Variants in CNTNAP2 observed in about 807,000 individuals in gnomAD.
CNTNAP2 encodes contactin associated protein 2, also known as contactin-associated protein-like 2.
A neutral mutation model predicts 155.2 loss-of-function variants in CNTNAP2; 98 were observed. The ratio of observed to expected loss-of-function variants is 0.63; its 90% CI spans 0.54 to 0.75. CNTNAP2 has a LOEUF of 0.75. Among genes scored for constraint, CNTNAP2 ranks in the 30% least tolerant of loss-of-function variants. The pLI is 0.00. For synonymous variants in CNTNAP2, 651 were observed against 631.2 expected (o/e 1.03, Z -0.47); for missense variants, 1,727 against 1,688.1 (o/e 1.02, Z -0.40).
intron 10 of CNTNAP2, among the ~76,000 whole-genome samples, chr7:147,412,347 T>A (rs1797118628): frequency 6.6e-6 from 1 of 152,114 alleles, no homozygotes; most frequent in African/African-American, 2.4e-5. Flanking sequence ...GGGTCTAGAA[T>A]TGCTTCACCC....
chr7:147,212,300 A>C (rs542730345), intron 8 of CNTNAP2, among the ~76,000 whole-genome samples: 1 of 152,278 alleles, frequency 6.6e-6, no homozygotes, highest in South Asian at 2.1e-4. Flanking sequence ...TCATATGTTC[A>C]GCATAGCATT....
chr7:146,851,382 G>C (rs752232588), intron 3 of CNTNAP2, among the ~76,000 whole-genome samples: 2 of 152,028 alleles, frequency 1.3e-5, no homozygotes, highest in African/African-American at 2.4e-5. Flanking sequence ...TGCTATTGTT[G>C]GTGTTGCTGT....
In CNTNAP2 at chr7:148,331,751, CGGACGGATGGATT is replaced by C. The variant is rs1563046054; in HGVS notation, c.3476-51894_3476-51882del. 1.4e-3 allele frequency among the ~76,000 whole-genome samples: 28 copies of C among 20,292 alleles called. 3 individuals carry two copies. Among genetic ancestry groups the C allele is most frequent in the Admixed American group, 2.4e-3 (5 of 2,126 alleles). The allele number at this position is 20,292 out of a possible 152,430, so 13.3% of individuals were successfully genotyped here. A position where few individuals can be genotyped will look rare whatever the true frequency, so the allele number is the denominator to read the frequency against. ...GGATGGATGGAGTGGATGGATGGAA[CGGACGGATGGATT>C]GGATGGATGGAATGGACAGATGGAG... On this transcript the variant is annotated intron_variant, in intron 21 of 23. Transcript: ENST00000361727.
At chr7:146,163,495 ATATC>A (rs1435842241) in intron 1 of CNTNAP2, among the ~76,000 whole-genome samples, 16 of 96,334 alleles carry the variant, frequency 1.7e-4, no homozygotes, top group Middle Eastern at 5.1e-3. Context: ...ATCTATATCT[ATATC>A]TATATATCTA....
intron 11 of CNTNAP2, among the ~76,000 whole-genome samples, chr7:147,546,825 T>C (rs1487870254): frequency 6.6e-6 from 1 of 152,214 alleles, no homozygotes; most frequent in African/African-American, 2.4e-5. Flanking sequence ...ATGAAACTGA[T>C]TCTCATCCCC....
At chr7:148,188,419 T>C (rs1208495502) in intron 18 of CNTNAP2, among the ~76,000 whole-genome samples, 1 of 152,150 alleles carries the variant, frequency 6.6e-6, no homozygotes, top group East Asian at 1.9e-4. Context: ...GGGGAAGACA[T>C]TGGACAAGCT....
chr7:148,267,050 T>C lies in CNTNAP2; in HGVS notation c.3399T>C (p.Ser1133=). Residue 1133 remains serine (S), a synonymous_variant, in exon 21 of 24, where the codon TCT becomes TCC. Coordinates refer to ENST00000361727, the MANE Select transcript of CNTNAP2 (RefSeq NM_014141.6). ...TCCTGCAGCTCGATCATTATCCTTC[T>C]GTGAGTTACCATCTGCCAAGTTCAT... The part of the protein sequence containing the change: ...TIFLKLDHYP[S]VSYHLPSSSD... 1 of 1,614,198 alleles carries C rather than the reference T, an allele frequency of 6.2e-7. No homozygotes were observed. Among genetic ancestry groups the C allele is most frequent in the Non-Finnish European group, 8.5e-7 (1 of 1,180,018 alleles).
intron 8 of CNTNAP2, among the ~76,000 whole-genome samples, chr7:147,248,423 G>A (rs1028433509): frequency 1.3e-5 from 2 of 152,172 alleles, no homozygotes; most frequent in Non-Finnish European, 2.9e-5. Flanking sequence ...TTGGTTGAGT[G>A]CAAGGAGGCA....
At position 146,246,853 on chromosome 7, in the gene CNTNAP2, G is replaced by C. The variant is rs182595752; in HGVS notation, c.97+129880G>C. 6.4e-3 allele frequency among the ~76,000 whole-genome samples: 969 copies of C among 152,302 alleles called. 7 individuals are homozygous for C. The highest frequency in any genetic ancestry group is 0.01 in the Non-Finnish European group (689 of 68,024). ...TTTCTGGCACTTGTAGCAAGCTCCT[G>C]GGGGAGGAGGTTCTGGAGGAACGCC... On this transcript the variant is annotated intron_variant, in intron 1 of 23. Transcript: ENST00000361727.
At chr7:147,338,866 T>A (rs1795707913) in intron 9 of CNTNAP2, among the ~76,000 whole-genome samples, 1 of 151,204 alleles carries the variant, frequency 6.6e-6, no homozygotes, top group Non-Finnish European at 1.5e-5. Context: ...AAAATGGGGG[T>A]CTTGAAGAGG....
At chr7:148,182,746 A>C (rs1250513854) in intron 18 of CNTNAP2, among the ~76,000 whole-genome samples, 2 of 152,236 alleles carry the variant, frequency 1.3e-5, no homozygotes, top group Non-Finnish European at 2.9e-5. Context: ...ATGAAGAGCC[A>C]GCTGCTCTCT....
chr7:147,950,432 T>C (rs1456422309), intron 14 of CNTNAP2, among the ~76,000 whole-genome samples: 1 of 145,336 alleles, frequency 6.9e-6, no homozygotes, highest in Non-Finnish European at 1.5e-5. Flanking sequence ...TCACAAGTGC[T>C]GGAAACTCAC....
At chr7:146,660,343 C>T (rs1223148760) in intron 1 of CNTNAP2, among the ~76,000 whole-genome samples, 2 of 152,206 alleles carry the variant, frequency 1.3e-5, no homozygotes, top group Non-Finnish European at 2.9e-5. Context: ...AGGATCCCCA[C>T]ATGCAGCCAA....
intron 1 of CNTNAP2, among the ~76,000 whole-genome samples, chr7:146,414,735 C>T (rs553411715): frequency 6.6e-6 from 1 of 152,242 alleles, no homozygotes; most frequent in Admixed American, 6.5e-5. Flanking sequence ...CTCTGATGAG[C>T]TTGCTTATGC....
chr7:147,103,545 G>C (rs1322744174), intron 4 of CNTNAP2, among the ~76,000 whole-genome samples: 1 of 151,740 alleles, frequency 6.6e-6, no homozygotes, highest in Non-Finnish European at 1.5e-5. Flanking sequence ...GTACTAACTG[G>C]TTAATATACA....
chr7:146,450,675 A>G (rs1425637282), intron 1 of CNTNAP2, among the ~76,000 whole-genome samples: 1 of 152,202 alleles, frequency 6.6e-6, no homozygotes, highest in East Asian at 1.9e-4. Context: ...GAGAAAAGGG[A>G]TAGACTCCAC....
intron 1 of CNTNAP2, among the ~76,000 whole-genome samples, chr7:146,473,824 C>T (rs1160383767): frequency 2.6e-5 from 4 of 152,152 alleles, no homozygotes; most frequent in Non-Finnish European, 4.4e-5. Flanking sequence ...ACAGGTTTGT[C>T]TCAAGTATTG....
intron 18 of CNTNAP2, chr7:148,189,836 G>T (rs1795176119): frequency 1.3e-5 from 2 of 152,176 alleles, no homozygotes; most frequent in Admixed American, 6.5e-5. Context: ...GGAAGGATCA[G>T]CTAAAAATTT....
chr7:147,076,880 T>A (rs1800010314), intron 4 of CNTNAP2, among the ~76,000 whole-genome samples: 1 of 152,210 alleles, frequency 6.6e-6, no homozygotes, highest in Admixed American at 6.5e-5. Flanking sequence ...TCAAACTAGC[T>A]ATTTGCATTT....
Sources: gnomAD v4.1 joint callset for allele counts (sites outside exome capture counted in the v4.1 genomes callset) on GRCh38, gnomAD v4.1.1 for gene constraint, MANE v1.5 for transcripts, NCBI Gene and HGNC (gene_info 2026-07-23, HGNC 2026-07-21) for gene names.